OPCML: variants seen among roughly 807,000 people sequenced by gnomAD.
The protein encoded by OPCML is opioid-binding protein/cell adhesion molecule.
OPCML carries 13 observed loss-of-function variants against 37.8 expected under a neutral mutation model. That is an observed-to-expected ratio of 0.34 (90% CI 0.22 to 0.55). The LOEUF (loss-of-function observed/expected upper bound fraction) is 0.55. Among genes scored for constraint, OPCML ranks in the 20% least tolerant of loss-of-function variants. OPCML has a pLI of 0.91. For missense variants in OPCML, 341 were observed against 435.6 expected, an observed-to-expected ratio of 0.78 and a Z score of 1.93; for synonymous variants, 176 against 168.8, an observed-to-expected ratio of 1.04 and a Z score of -0.33.
chr11:132,642,334 G>T (rs935682850), intron 3 of OPCML, among the ~76,000 whole-genome samples: 3 of 152,096 alleles, frequency 2.0e-5, no homozygotes, highest in Admixed American at 1.3e-4. Flanking sequence ...TTGAACATGA[G>T]ATTATAAAAT....
intron 1 of OPCML, among the ~76,000 whole-genome samples, chr11:133,012,669 A>T (rs1947241580): frequency 2.0e-5 from 3 of 152,138 alleles, no homozygotes; most frequent in Admixed American, 6.5e-5. Context: ...TGAGGTCAGG[A>T]GTTCAAGACC....
chr11:132,865,007 C>A lies in OPCML; in HGVS notation c.146+77919G>T, dbSNP rs187221285. ...CTGCCACAGAGGGCGATAGAGCCGG[C>A]ACTTGGGCATTAGCTCCGCAAGTCA... is the stretch of plus-strand genomic sequence containing the variant. On this transcript the variant is annotated intron_variant, in intron 2 of 7. Transcript: ENST00000524381. Among the ~76,000 whole-genome samples, 15 of 152,366 alleles carry A rather than the reference C, an allele frequency of 9.8e-5. No individual in the cohort carries two copies. The East Asian group carries it at 2.9e-3, about 29-fold the overall frequency.
chr11:133,155,669 G>A (rs1950050776), intron 1 of OPCML, among the ~76,000 whole-genome samples: 1 of 152,058 alleles, frequency 6.6e-6, no homozygotes, highest in South Asian at 2.1e-4. Flanking sequence ...ATATCTACAT[G>A]CAGGCCAGAA....
chr11:133,184,225 T>C (rs1419021089), intron 1 of OPCML, among the ~76,000 whole-genome samples: 1 of 152,062 alleles, frequency 6.6e-6, no homozygotes, highest in Non-Finnish European at 1.5e-5. Flanking sequence ...AAGACACCAC[T>C]AGGTATTTGG....
At chr11:133,458,721 A>G (rs188772242) in intron 1 of OPCML, among the ~76,000 whole-genome samples, 2,268 of 117,678 alleles carry the variant, frequency 0.019, 322 homozygotes, top group African/African-American at 0.097. Context: ...ACGTGTGTGT[A>G]TATATACACA....
At chr11:133,422,475 T>C in intron 1 of OPCML, 1 of 982,936 alleles carries the variant, frequency 1.0e-6, no homozygotes, top group Non-Finnish European at 1.2e-6. Context: ...GTCTTACCCA[T>C]GTTAGCTTAG....
Position 133,456,489 on chromosome 11 carries a change from GC to G in OPCML, c.61+75774del, listed in dbSNP as rs1382263765. On this transcript the variant is annotated intron_variant, in intron 1 of 7. Transcript: ENST00000524381. ...AATCACAAGACATAAAAAAAAAATG[GC>G]AAAATATGGCAAAATAAAAGGAACA... Among the ~76,000 whole-genome samples, 75 of 151,876 alleles carry G rather than the reference GC, an allele frequency of 4.9e-4. 1 individual carries two copies. Among genetic ancestry groups the G allele is most frequent in the African/African-American group, 1.7e-3 (70 of 41,418 alleles).
At chr11:133,491,557 C>T (rs1947659247) in intron 1 of OPCML, among the ~76,000 whole-genome samples, 1 of 152,112 alleles carries the variant, frequency 6.6e-6, no homozygotes, top group Non-Finnish European at 1.5e-5. Flanking sequence ...CCACTAAGGA[C>T]ATCAGGGAGC....
intron 2 of OPCML, among the ~76,000 whole-genome samples, chr11:132,807,203 C>A (rs932398350): frequency 1.3e-5 from 2 of 152,064 alleles, no homozygotes; most frequent in African/African-American, 2.4e-5. Flanking sequence ...AGAAAACACA[C>A]AATAGAGAAA....
intron 1 of OPCML, among the ~76,000 whole-genome samples, chr11:132,954,727 T>C (rs1305426011): frequency 1.3e-5 from 2 of 152,132 alleles, no homozygotes; most frequent in South Asian, 4.1e-4. Context: ...GCTGAAGCCC[T>C]GGGTACTAAT....
intron 2 of OPCML, among the ~76,000 whole-genome samples, chr11:132,910,848 A>G (rs1292925121): frequency 6.6e-6 from 1 of 152,198 alleles, no homozygotes; most frequent in African/African-American, 2.4e-5. Flanking sequence ...TCTTCTTACA[A>G]ACCCTCAGGA....
At chr11:132,532,770 A>G (rs1198803553) in intron 3 of OPCML, among the ~76,000 whole-genome samples, 1 of 152,180 alleles carries the variant, frequency 6.6e-6, no homozygotes, top group Non-Finnish European at 1.5e-5. Context: ...ACTGCGGACC[A>G]CAACAGGAGA....
At chr11:132,430,439 C>A (rs2095992748) in intron 7 of OPCML, among the ~76,000 whole-genome samples, 1 of 152,112 alleles carries the variant, frequency 6.6e-6, no homozygotes, top group Non-Finnish European at 1.5e-5. Flanking sequence ...GCTCAGAGAG[C>A]CAGTCTGATA....
At chr11:132,711,799 C>T (rs893402011) in intron 2 of OPCML, among the ~76,000 whole-genome samples, 3 of 152,306 alleles carry the variant, frequency 2.0e-5, no homozygotes, top group Admixed American at 6.5e-5. Flanking sequence ...CTTACATATG[C>T]TATATGTGTG....
chr11:132,477,363 G>A (rs2096160297), intron 4 of OPCML, among the ~76,000 whole-genome samples: 1 of 152,218 alleles, frequency 6.6e-6, no homozygotes, highest in South Asian at 2.1e-4. Context: ...TGGTACAGAC[G>A]TCTCCTTTCA....
Position 133,229,552 on chromosome 11 carries a change from T to C in OPCML, c.62-286542A>G, listed in dbSNP as rs1940186957. Among the ~76,000 whole-genome samples the C allele has an allele frequency of 2.6e-5, 4 of 151,994 alleles. No homozygotes were observed. In the South Asian group the frequency reaches 8.3e-4, roughly 32 times the overall value. ...AAAAAAGAAAAGGGCTCCCAATGCA[T>C]CCCACCATGCATTTTCCCTCACCGT... On this transcript the variant is annotated intron_variant, in intron 1 of 7. Coordinates refer to ENST00000524381, the MANE Select transcript of OPCML (RefSeq NM_001012393.5).
At chr11:132,595,721 C>T (rs944725040) in intron 3 of OPCML, among the ~76,000 whole-genome samples, 3 of 152,190 alleles carry the variant, frequency 2.0e-5, no homozygotes, top group African/African-American at 7.2e-5. Context: ...GAGATCAACA[C>T]CAGCACTTAA....
intron 1 of OPCML, among the ~76,000 whole-genome samples, chr11:133,478,223 C>T (rs1947286118): frequency 6.6e-6 from 1 of 152,148 alleles, no homozygotes; most frequent in South Asian, 2.1e-4. Context: ...AAAGGATCAG[C>T]CTCTGTTGTG....
At chr11:132,620,288 T>A (rs1334803471) in intron 3 of OPCML, among the ~76,000 whole-genome samples, 2 of 152,206 alleles carry the variant, frequency 1.3e-5, no homozygotes, top group African/African-American at 4.8e-5. Context: ...ATTCAAACCC[T>A]CAGATAAGTT....
Sources: gnomAD v4.1 joint callset for allele counts (sites outside exome capture counted in the v4.1 genomes callset) on GRCh38, gnomAD v4.1.1 for gene constraint, MANE v1.5 for transcripts, NCBI Gene and HGNC (gene_info 2026-07-23, HGNC 2026-07-21) for gene names.